The following PFKFB3 variants were observed in gnomAD, a reference collection of about 807,000 sequenced individuals.
The protein encoded by PFKFB3 is 6-phosphofructo-2-kinase/fructose-2,6-biphosphatase 3, also known as 6-phosphofructo-2-kinase/fructose-2,6-bisphosphatase 3.
PFKFB3 carries 33 observed loss-of-function variants against 68.0 expected under a neutral mutation model. The ratio of observed to expected loss-of-function variants is 0.49; its 90% confidence interval spans 0.37 to 0.65. The LOEUF (loss-of-function observed/expected upper bound fraction) is 0.65. PFKFB3 is among the 30% of genes least tolerant of loss of function. PFKFB3 has a pLI of 0.00. For synonymous variants in PFKFB3, 315 were observed against 288.2 expected (o/e 1.09, Z -0.94); for missense variants, 586 against 712.2 (o/e 0.82, Z 2.02).
the PFKFB3 span, among the ~76,000 whole-genome samples, chr10:6,318,252 C>T: frequency 6.6e-6 from 1 of 152,288 alleles, no homozygotes; most frequent in East Asian, 1.9e-4. Context: ...TCAAGCTGCC[C>T]CTGGGAGCAG....
At chr10:6,192,955 T>A (rs769213295) in intron 1 of PFKFB3, among the ~76,000 whole-genome samples, 34 of 152,280 alleles carry the variant, frequency 2.2e-4, no homozygotes, top group Non-Finnish European at 4.6e-4. Flanking sequence ...ATTCTACAGA[T>A]GATTTTACTG....
At chr10:6,226,160 G>A (rs199969048) in intron 13 of PFKFB3, 32 bp from the exon 14 acceptor site, 33 of 1,523,836 alleles carry the variant, frequency 2.2e-5, no homozygotes, top group African/African-American at 4.2e-5. Context: ...TGTAACTGTC[G>A]CCTTTCTCTC....
chr10:6,229,723 T>A lies in PFKFB3; in HGVS notation c.1516-3172T>A, dbSNP rs540895513. 3.9e-5 allele frequency among the ~76,000 whole-genome samples: 6 copies of A among 152,350 alleles called. No individual in the cohort carries two copies. In the South Asian group the frequency reaches 1.2e-3, roughly 32 times the overall value. ...AGCCTGAAGGTTTTACATCTGTGCATGTCCTGATCCTTTAGACCAGCAGTC... is the reference window on the plus strand; with the variant it reads ...AGCCTGAAGGTTTTACATCTGTGCAAGTCCTGATCCTTTAGACCAGCAGTC... On this transcript the variant is annotated intron_variant, in intron 14 of 14. Transcript: ENST00000379775. The surrounding 1 kb of genome is among the most constrained non-coding windows in gnomAD (Gnocchi z 4.3).
At chr10:6,145,803 T>C (rs11256977) in intron 1 of PFKFB3, among the ~76,000 whole-genome samples, 65,818 of 152,026 alleles carry the variant, frequency 0.43, 14,444 homozygotes, top group Non-Finnish European at 0.46. Flanking sequence ...CCTCCGCCTT[T>C]TCCGCCCTGC....
At chr10:6,165,091 A>C (rs995503483) in intron 1 of PFKFB3, among the ~76,000 whole-genome samples, 1 of 152,104 alleles carries the variant, frequency 6.6e-6, no homozygotes, top group African/African-American at 2.4e-5. Flanking sequence ...AGGAGGCCAT[A>C]TCTCAGGCTG....
chr10:6,149,176 G>C (rs1298793686), intron 1 of PFKFB3, among the ~76,000 whole-genome samples: 1 of 152,204 alleles, frequency 6.6e-6, no homozygotes, highest in Non-Finnish European at 1.5e-5. Flanking sequence ...ATAAATCGTT[G>C]AGGTCCTTTT....
chr10:6,326,067 G>T, the PFKFB3 span, among the ~76,000 whole-genome samples: 1 of 152,166 alleles, frequency 6.6e-6, no homozygotes, highest in African/African-American at 2.4e-5. Context: ...ATCATACATT[G>T]TCATCTCAAG....
the PFKFB3 span, among the ~76,000 whole-genome samples, chr10:6,280,334 G>A: frequency 1.3e-5 from 2 of 152,348 alleles, no homozygotes; most frequent in East Asian, 1.9e-4. Context: ...TTGATGGTAC[G>A]ATTGGGCATG....
intron 1 of PFKFB3, among the ~76,000 whole-genome samples, chr10:6,187,570 T>C (rs965202529): frequency 2.0e-5 from 3 of 152,240 alleles, no homozygotes; most frequent in South Asian, 4.1e-4. Flanking sequence ...GGCAGGTCTT[T>C]CGTTGTCAGC....
the PFKFB3 span, among the ~76,000 whole-genome samples, chr10:6,292,636 TA>T: frequency 0.029 from 4,041 of 139,558 alleles, 134 homozygotes; most frequent in African/African-American, 0.089. Flanking sequence ...TACACAGAAT[TA>T]AAAAAAAAAA....
chr10:6,177,377 T>C (rs1842511058), intron 1 of PFKFB3, among the ~76,000 whole-genome samples: 1 of 109,976 alleles, frequency 9.1e-6, no homozygotes. Context: ...TCTTTCTTTC[T>C]TTCTTTCTTT....
intron 1 of PFKFB3, among the ~76,000 whole-genome samples, chr10:6,178,636 A>G (rs570341143): frequency 6.6e-6 from 1 of 152,130 alleles, no homozygotes; most frequent in South Asian, 2.1e-4. Context: ...TGGGCCGTGG[A>G]GATGACTGGG....
chr10:6,210,418 T>G (rs181840622), intron 1 of PFKFB3, among the ~76,000 whole-genome samples: 6,109 of 99,134 alleles, frequency 0.062, 1,424 homozygotes, highest in East Asian at 0.19. Flanking sequence ...TGGAGTGCAG[T>G]GGCGCTATCT....
At chr10:6,177,808 C>A (rs1842573256) in intron 1 of PFKFB3, among the ~76,000 whole-genome samples, 1 of 152,108 alleles carries the variant, frequency 6.6e-6, no homozygotes, top group Non-Finnish European at 1.5e-5. Flanking sequence ...CAGGTGTGTG[C>A]CACCGTGCCT....
chr10:6,279,403 C>G, the PFKFB3 span, among the ~76,000 whole-genome samples: 19 of 152,154 alleles, frequency 1.2e-4, no homozygotes, highest in Non-Finnish European at 2.5e-4. Flanking sequence ...TTCTATCAAC[C>G]TTGGGAAAGG....
the PFKFB3 span, among the ~76,000 whole-genome samples, chr10:6,297,675 T>C: frequency 1.3e-5 from 2 of 152,192 alleles, no homozygotes; most frequent in African/African-American, 4.8e-5. Context: ...AATGTTTGCA[T>C]TTGAGCTGGA....
chr10:6,220,258 C>T lies in PFKFB3; in HGVS notation c.624-400C>T, dbSNP rs1011696789. Among the ~76,000 whole-genome samples the T allele has an allele frequency of 3.3e-5, 5 of 151,280 alleles. No homozygotes were observed. The South Asian group carries it at 8.4e-4, about 25-fold the overall frequency. On this transcript the variant is annotated intron_variant, in intron 7 of 14. Transcript: ENST00000379775. The surrounding 1 kb of genome is among the most constrained non-coding windows in gnomAD (Gnocchi z 4.1). ...CTGGGACTACAGGTGTGGGTGTCCACGCCCAGCTAATTTTTTTTTTCTTTA... is the reference window on the plus strand; with the variant it reads ...CTGGGACTACAGGTGTGGGTGTCCATGCCCAGCTAATTTTTTTTTTCTTTA...
intron 1 of PFKFB3, among the ~76,000 whole-genome samples, chr10:6,207,967 T>C (rs1272383534): frequency 6.6e-6 from 1 of 152,186 alleles, no homozygotes; most frequent in Admixed American, 6.5e-5. Context: ...TGCTTGGGAC[T>C]TGGCATTACA....
At chr10:6,278,758 C>T in the PFKFB3 span, among the ~76,000 whole-genome samples, 1 of 152,204 alleles carries the variant, frequency 6.6e-6, no homozygotes, top group African/African-American at 2.4e-5. Flanking sequence ...TAGGACTTAG[C>T]CTAGTGCTTG....
Sources: gnomAD v4.1 joint callset for allele counts (sites outside exome capture counted in the v4.1 genomes callset) on GRCh38, gnomAD v4.1.1 for gene constraint, Gnocchi (gnomAD v3.1) non-coding constraint, MANE v1.5 for transcripts, NCBI Gene and HGNC (gene_info 2026-07-23, HGNC 2026-07-21) for gene names.